Variants in SOX5 observed in about 807,000 individuals in gnomAD.
SOX5 encodes transcription factor SOX-5.
In SOX5, 9 loss-of-function variants were observed where a neutral mutation model predicts 92.0. The ratio of observed to expected loss-of-function variants is 0.10; its 90% CI spans 0.06 to 0.17. The LOEUF (loss-of-function observed/expected upper bound fraction) is 0.17, where lower values mean the gene tolerates loss of function less well. SOX5 is among the 10% of genes least tolerant of loss of function. The pLI, the probability that SOX5 is intolerant of heterozygous loss-of-function variation, is 1.00. For missense variants in SOX5, 642 were observed against 944.5 expected (o/e 0.68, Z 4.20); for synonymous variants, 344 against 336.3 (o/e 1.02, Z -0.25).
At chr12:24,049,605 T>C (rs1408657648) in intron 4 of SOX5, among the ~76,000 whole-genome samples, 1 of 148,674 alleles carries the variant, frequency 6.7e-6, no homozygotes, top group Non-Finnish European at 1.5e-5. Context: ...TAATCAGATA[T>C]CTCATAATGT....
chr12:23,578,039 T>G (rs949616138), intron 9 of SOX5, among the ~76,000 whole-genome samples: 1 of 136,168 alleles, frequency 7.3e-6, no homozygotes, highest in Non-Finnish European at 1.5e-5. Flanking sequence ...GAGAATCACC[T>G]GAACCCGGGA....
At chr12:24,476,635 G>A (rs1347486329) in intron 1 of SOX5, among the ~76,000 whole-genome samples, 3 of 151,324 alleles carry the variant, frequency 2.0e-5, no homozygotes, top group South Asian at 2.1e-4. Flanking sequence ...AGGCCCCCAC[G>A]GCACTCTCTG....
At chr12:24,547,868 T>C (rs1220255926) in intron 1 of SOX5, among the ~76,000 whole-genome samples, 10 of 152,212 alleles carry the variant, frequency 6.6e-5, no homozygotes, top group African/African-American at 2.4e-4. Context: ...TATACAGTGT[T>C]CGTATCCCCT....
intron 3 of SOX5, among the ~76,000 whole-genome samples, chr12:24,263,777 C>A (rs1410707525): frequency 6.6e-6 from 1 of 152,094 alleles, no homozygotes; most frequent in Non-Finnish European, 1.5e-5. Context: ...ACCTACGTAG[C>A]ATTTCTACTT....
chr12:23,845,990 C>T lies in SOX5; in HGVS notation c.474G>A (p.Glu158=). The change falls in exon 3 of 15, where the codon GAG becomes GAA. Residue 158 remains glutamate, a synonymous_variant. Coordinates refer to ENST00000451604, the MANE Select transcript of SOX5 (RefSeq NM_006940.6). ...TTCTCTTCCAGCCTTTACCTTCCGG[C>T]TCGTTTTTGATGAGCTCTTCCATTT... is the stretch of plus-strand genomic sequence containing the variant. ...QRKMEELIKN[E]PEETPSIEKL... is the part of the protein sequence containing the mutation. 2 of 1,613,570 alleles carry T rather than the reference C, an allele frequency of 1.2e-6. No individual in the cohort carries two copies. The highest frequency in any genetic ancestry group is 1.7e-6 in the Non-Finnish European group (2 of 1,179,512).
chr12:24,114,009 A>G (rs1290233314), intron 4 of SOX5, among the ~76,000 whole-genome samples: 2 of 152,226 alleles, frequency 1.3e-5, no homozygotes, highest in African/African-American at 2.4e-5. Flanking sequence ...CAGTCCTCCA[A>G]TAAAAGACCT....
At chr12:24,355,282 CTTTTTTTTTTTTTTTTTTTTTT>C (rs768157437) in intron 2 of SOX5, among the ~76,000 whole-genome samples, 6 of 71,930 alleles carry the variant, frequency 8.3e-5, no homozygotes, top group African/African-American at 2.9e-4. Flanking sequence ...AGGGGTGCAT[CTTTTTTTTTTTTTTTTTTTTTT>C]TTTTTTTTTT....
At chr12:24,296,534 C>G (rs545267620) in intron 2 of SOX5, among the ~76,000 whole-genome samples, 1 of 152,282 alleles carries the variant, frequency 6.6e-6, no homozygotes, top group South Asian at 2.1e-4. Flanking sequence ...ACACAGTTGT[C>G]ACTTATAAGC....
At chr12:24,018,704 G>A (rs924870946) in intron 4 of SOX5, among the ~76,000 whole-genome samples, 2 of 152,134 alleles carry the variant, frequency 1.3e-5, no homozygotes, top group Admixed American at 6.5e-5. Context: ...GACTGAGGCA[G>A]GAGAATCGCT....
rs2089555764 is a variant in SOX5, at chr12:23,695,025, T to C, written c.811-29461A>G. ...GTCCTAGCTACTTGCAAGGCTGAGGTGGGAGAATCACCAGAGCCTGGGAAG... is the reference window on the plus strand; with the variant it reads ...GTCCTAGCTACTTGCAAGGCTGAGGCGGGAGAATCACCAGAGCCTGGGAAG... On this transcript the variant is annotated intron_variant, in intron 6 of 14. Coordinates refer to ENST00000451604, the MANE Select transcript of SOX5 (RefSeq NM_006940.6). 2.0e-5 allele frequency among the ~76,000 whole-genome samples: 3 copies of C among 149,674 alleles called. No individual in the cohort carries two copies. In the Admixed American group the frequency reaches 2.0e-4, roughly 10 times the overall value.
intron 1 of SOX5, among the ~76,000 whole-genome samples, chr12:23,948,221 TA>T (rs5797050): frequency 0.32 from 46,638 of 147,532 alleles, 7,929 homozygotes; most frequent in East Asian, 0.7. Flanking sequence ...ATTTAATTAT[TA>T]AAAAAAAAAA....
intron 2 of SOX5, among the ~76,000 whole-genome samples, chr12:24,342,144 G>C (rs1321553715): frequency 2.6e-5 from 4 of 152,134 alleles, no homozygotes; most frequent in African/African-American, 2.4e-5. Flanking sequence ...GAAATCTCAA[G>C]TCATAAACAA....
chr12:24,273,486 CG>C (rs1238120207), intron 3 of SOX5, among the ~76,000 whole-genome samples: 1 of 152,124 alleles, frequency 6.6e-6, no homozygotes, highest in Non-Finnish European at 1.5e-5. Flanking sequence ...AAAATTTATA[CG>C]TATTTCTTAC....
chr12:24,456,733 T>G (rs540595688), intron 1 of SOX5, among the ~76,000 whole-genome samples: 1 of 152,344 alleles, frequency 6.6e-6, no homozygotes, highest in South Asian at 2.1e-4. Flanking sequence ...TCACCAAGTT[T>G]GCAAATGTGA....
chr12:23,951,663 C>CAT (rs1945664947), upstream of SOX5, among the ~76,000 whole-genome samples: 1 of 151,996 alleles, frequency 6.6e-6, no homozygotes, highest in Admixed American at 6.6e-5. Flanking sequence ...TACACACACA[C>CAT]ACACTACAAA....
intron 6 of SOX5, among the ~76,000 whole-genome samples, chr12:23,696,849 CAT>C (rs1176188905): frequency 6.6e-6 from 1 of 152,110 alleles, no homozygotes; most frequent in Non-Finnish European, 1.5e-5. Flanking sequence ...TTCTTTGACC[CAT>C]GAGTTATTTT....
chr12:24,379,192 C>T (rs1957575525), intron 1 of SOX5, among the ~76,000 whole-genome samples: 2 of 152,150 alleles, frequency 1.3e-5, no homozygotes, highest in Admixed American at 6.5e-5. Flanking sequence ...AATGAGAGCC[C>T]CCTTTTAAAA....
intron 4 of SOX5, among the ~76,000 whole-genome samples, chr12:24,111,538 T>G (rs913696386): frequency 6.6e-6 from 1 of 152,220 alleles, no homozygotes; most frequent in African/African-American, 2.4e-5. Flanking sequence ...TTATCTAGTT[T>G]AGCTCAAAAT....
intron 6 of SOX5, among the ~76,000 whole-genome samples, chr12:23,716,157 T>C (rs1263390863): frequency 1.3e-5 from 2 of 152,206 alleles, no homozygotes; most frequent in Admixed American, 1.3e-4. Context: ...AGTGTGCTTA[T>C]ATGCAACTTA....
Sources: gnomAD v4.1 joint callset for allele counts (sites outside exome capture counted in the v4.1 genomes callset) on GRCh38, gnomAD v4.1.1 for gene constraint, MANE v1.5 for transcripts, NCBI Gene and HGNC (gene_info 2026-07-23, HGNC 2026-07-21) for gene names.